IGSF11: variants seen among roughly 807,000 people sequenced by gnomAD.
The protein encoded by IGSF11 is immunoglobulin superfamily member 11.
A neutral mutation model predicts 41.0 loss-of-function variants in IGSF11; 22 were observed. The ratio of observed to expected loss-of-function variants is 0.54; its 90% confidence interval spans 0.38 to 0.77. IGSF11 has a LOEUF of 0.77. IGSF11 is among the 30% of genes least tolerant of loss of function. The pLI, the probability that IGSF11 is intolerant of heterozygous loss-of-function variation, is 0.00. For synonymous variants in IGSF11, 219 were observed against 201.3 expected (o/e 1.09, Z -0.74); for missense variants, 444 against 530.8 (o/e 0.84, Z 1.61).
chr3:119,010,394 G>C (rs1269386385), intron 1 of IGSF11, among the ~76,000 whole-genome samples: 1 of 152,230 alleles, frequency 6.6e-6, no homozygotes, highest in African/African-American at 2.4e-5. Flanking sequence ...CTTAACTAGA[G>C]TAAGGGATAT....
At chr3:118,924,807 C>T (rs918309486) in intron 4 of IGSF11, among the ~76,000 whole-genome samples, 5 of 151,978 alleles carry the variant, frequency 3.3e-5, no homozygotes, top group African/African-American at 9.7e-5. Flanking sequence ...AATACTGCCA[C>T]AGAGGACCTT....
intron 4 of IGSF11, among the ~76,000 whole-genome samples, chr3:118,917,378 AAAAG>A (rs1203277092): frequency 6.7e-6 from 1 of 149,856 alleles, no homozygotes; most frequent in Admixed American, 6.6e-5. Flanking sequence ...AATAAAGAAA[AAAAG>A]AGAGAAGAAT....
chr3:119,012,389 C>T (rs1246850084), intron 1 of IGSF11, among the ~76,000 whole-genome samples: 1 of 152,176 alleles, frequency 6.6e-6, no homozygotes, highest in African/African-American at 2.4e-5. Flanking sequence ...TTTTAGTCAA[C>T]ATATTTGTAA....
At chr3:119,139,042 G>A (rs1440945348) in intron 1 of IGSF11, among the ~76,000 whole-genome samples, 2 of 152,082 alleles carry the variant, frequency 1.3e-5, no homozygotes, top group African/African-American at 4.8e-5. Context: ...AAGACACAAA[G>A]ATAAATGCTT....
At chr3:118,949,639 C>A (rs1181384469) in intron 1 of IGSF11, among the ~76,000 whole-genome samples, 4 of 152,184 alleles carry the variant, frequency 2.6e-5, no homozygotes, top group Admixed American at 2.6e-4. Context: ...TTATTCTCAA[C>A]ATTCTTGCAA....
intron 1 of IGSF11, among the ~76,000 whole-genome samples, chr3:118,961,467 G>C (rs1945328135): frequency 6.6e-6 from 1 of 152,112 alleles, no homozygotes; most frequent in Admixed American, 6.5e-5. Context: ...TTTTACAGTG[G>C]TAAAGGAAAA....
chr3:119,140,844 G>T (rs1223253377), intron 1 of IGSF11, among the ~76,000 whole-genome samples: 1 of 132,176 alleles, frequency 7.6e-6, no homozygotes, highest in East Asian at 2.2e-4. Flanking sequence ...AGGAGTTCGA[G>T]ACCAGTCTGG....
intron 1 of IGSF11, among the ~76,000 whole-genome samples, chr3:118,969,397 T>C (rs1933109515): frequency 6.6e-6 from 1 of 151,934 alleles, no homozygotes; most frequent in Non-Finnish European, 1.5e-5. Context: ...AGCTGAGAAG[T>C]CTCCCAGTAG....
At chr3:118,935,301 C>CAT (rs10575505) in intron 1 of IGSF11, among the ~76,000 whole-genome samples, 3,852 of 122,186 alleles carry the variant, frequency 0.032, 123 homozygotes, top group East Asian at 0.15. Flanking sequence ...GGTGTATATA[C>CAT]ATATATATAT....
chr3:118,957,447 T>C (rs1433028822), intron 1 of IGSF11, among the ~76,000 whole-genome samples: 3 of 152,208 alleles, frequency 2.0e-5, no homozygotes, highest in African/African-American at 7.2e-5. Flanking sequence ...TTATTTCCTC[T>C]CATGTGAGTT....
chr3:119,025,399 C>T (rs1406813230), intron 1 of IGSF11, among the ~76,000 whole-genome samples: 2 of 148,516 alleles, frequency 1.3e-5, no homozygotes, highest in Non-Finnish European at 3.1e-5. Context: ...AGACTCATCT[C>T]CTGACTTAAA....
chr3:119,047,658 C>G (rs1179856359), intron 1 of IGSF11, among the ~76,000 whole-genome samples: 4 of 152,178 alleles, frequency 2.6e-5, no homozygotes, highest in African/African-American at 9.7e-5. Flanking sequence ...TAATAGACAT[C>G]TACAGAACTC....
chr3:118,983,223 C>T (rs1281652787), intron 1 of IGSF11: 1 of 152,174 alleles, frequency 6.6e-6, no homozygotes, highest in Admixed American at 6.5e-5. Context: ...TCTGTATTAA[C>T]ATCTTTGATA....
intron 1 of IGSF11, among the ~76,000 whole-genome samples, chr3:118,974,247 C>G (rs1196849268): frequency 6.6e-6 from 1 of 152,062 alleles, no homozygotes; most frequent in Non-Finnish European, 1.5e-5. Context: ...TGAGCCTTTA[C>G]TAAAAGTATT....
At chr3:118,967,154 A>G (rs1031384953) in intron 1 of IGSF11, among the ~76,000 whole-genome samples, 3 of 152,142 alleles carry the variant, frequency 2.0e-5, no homozygotes, top group African/African-American at 7.2e-5. Flanking sequence ...AGCTTCAAGA[A>G]TTAATGCCAA....
chr3:119,060,906 AC>A (rs1942032703), intron 1 of IGSF11, among the ~76,000 whole-genome samples: 1 of 152,214 alleles, frequency 6.6e-6, no homozygotes, highest in Non-Finnish European at 1.5e-5. Context: ...TAAATAGATA[AC>A]CCACTCTTTA....
At chr3:119,014,000 TAAAAC>T in intron 1 of IGSF11, among the ~76,000 whole-genome samples, 1 of 152,152 alleles carries the variant, frequency 6.6e-6, no homozygotes, top group Non-Finnish European at 1.5e-5. Context: ...AGCAGCAACA[TAAAAC>T]AAATCTAAAG....
At chr3:119,073,428 G>A (rs2076435824) in intron 1 of IGSF11, among the ~76,000 whole-genome samples, 2 of 152,202 alleles carry the variant, frequency 1.3e-5, no homozygotes, top group South Asian at 4.1e-4. Flanking sequence ...GATCGATGGG[G>A]ACTGGATGCC....
At chr3:119,101,886 T>C (rs2076945474) in intron 1 of IGSF11, among the ~76,000 whole-genome samples, 1 of 152,212 alleles carries the variant, frequency 6.6e-6, no homozygotes, top group Non-Finnish European at 1.5e-5. Flanking sequence ...TACTCCAGCA[T>C]CTAATGTTAG....
Sources: gnomAD v4.1 joint callset for allele counts (sites outside exome capture counted in the v4.1 genomes callset) on GRCh38, gnomAD v4.1.1 for gene constraint, MANE v1.5 for transcripts, NCBI Gene and HGNC (gene_info 2026-07-23, HGNC 2026-07-21) for gene names.